The following NRXN3 variants were observed in gnomAD, a reference collection of about 807,000 sequenced individuals.
NRXN3 encodes neurexin III.
Under a neutral mutation model 137.6 loss-of-function variants are expected in NRXN3, and 32 were observed. The observed-to-expected ratio is 0.23, with a 90% CI of 0.18 to 0.31. The LOEUF is 0.31. Among genes scored for constraint, NRXN3 ranks in the 10% least tolerant of loss-of-function variants. The probability of loss-of-function intolerance (pLI) is 1.00; values close to 1 mark genes in which losing one functional copy is unlikely to be tolerated. For missense variants in NRXN3, 1,574 were observed against 2,062.5 expected (o/e 0.76, Z 4.59); for synonymous variants, 798 against 784.5 (o/e 1.02, Z -0.29).
intron 4 of NRXN3, among the ~76,000 whole-genome samples, chr14:78,303,709 G>T (rs550731155): frequency 3.3e-4 from 50 of 152,166 alleles, no homozygotes; most frequent in Non-Finnish European, 6.3e-4. Context: ...TTGGACTTTT[G>T]CTAAAGCTCT....
In NRXN3 at chr14:78,863,878, T is replaced by C. The variant is rs114373618; in HGVS notation, c.2275+53534T>C. Among the ~76,000 whole-genome samples the C allele has an allele frequency of 1.4e-3, 209 of 152,272 alleles. 4 individuals carry two copies. Among genetic ancestry groups the C allele is most frequent in the African/African-American group, 4.6e-3 (190 of 41,562 alleles). On this transcript the variant is annotated intron_variant, in intron 10 of 20. Transcript: ENST00000335750. Reference sequence around the variant, plus strand: ...TATAAATTCAATGAGTCAGAATGGTTTAATTGAAATTCTTCATTTAAAAAG... The same window carrying C: ...TATAAATTCAATGAGTCAGAATGGTCTAATTGAAATTCTTCATTTAAAAAG...
At chr14:78,620,376 T>C (rs952821915) in intron 4 of NRXN3, among the ~76,000 whole-genome samples, 1 of 152,244 alleles carries the variant, frequency 6.6e-6, no homozygotes. Context: ...AATAACCTGC[T>C]TGTACTGTTT....
intron 10 of NRXN3, among the ~76,000 whole-genome samples, chr14:78,812,117 A>G (rs773982818): frequency 6.6e-6 from 1 of 152,174 alleles, no homozygotes; most frequent in Non-Finnish European, 1.5e-5. Flanking sequence ...TCCAAATATC[A>G]CCACAATCAC....
At chr14:79,191,233 C>T (rs2064262567) in intron 15 of NRXN3, among the ~76,000 whole-genome samples, 1 of 152,186 alleles carries the variant, frequency 6.6e-6, no homozygotes, top group African/African-American at 2.4e-5. Context: ...TATAAGAACA[C>T]AGGCCAGACA....
intron 17 of NRXN3, among the ~76,000 whole-genome samples, chr14:79,676,483 A>C (rs948024887): frequency 6.6e-6 from 1 of 151,926 alleles, no homozygotes; most frequent in Admixed American, 6.6e-5. Flanking sequence ...TAAGGGATGA[A>C]TAAGTCTAGA....
chr14:79,375,541 T>C (rs2094247737), intron 15 of NRXN3, among the ~76,000 whole-genome samples: 1 of 152,100 alleles, frequency 6.6e-6, no homozygotes, highest in African/African-American at 2.4e-5. Flanking sequence ...CAGCGGGACG[T>C]GCACTTGATA....
chr14:78,273,157 C>G (rs17107229), intron 2 of NRXN3, among the ~76,000 whole-genome samples: 6,044 of 152,186 alleles, frequency 0.04, 348 homozygotes, highest in African/African-American at 0.13. Flanking sequence ...CACGTTCACC[C>G]TCTGATGGGC....
Position 79,764,732 on chromosome 14 carries a change from C to A in NRXN3, c.4015-40380C>A, listed in dbSNP as rs143958227. On this transcript the variant is annotated intron_variant, in intron 19 of 20. Coordinates refer to ENST00000335750, the MANE Select transcript of NRXN3 (RefSeq NM_001330195.2). ...GAAATCTGACTGGCAGGCTGATGGCCAGGCTGCTCTGGAGGAAAGTAATTA... is the reference window on the plus strand; with the variant it reads ...GAAATCTGACTGGCAGGCTGATGGCAAGGCTGCTCTGGAGGAAAGTAATTA... Among the ~76,000 whole-genome samples, 175 of 152,200 alleles carry A rather than the reference C, an allele frequency of 1.1e-3. 1 individual carries two copies. The highest frequency in any genetic ancestry group is 3.5e-3 in the African/African-American group (144 of 41,536).
chr14:79,304,206 G>T (rs913766508), intron 15 of NRXN3, among the ~76,000 whole-genome samples: 2 of 152,032 alleles, frequency 1.3e-5, no homozygotes, highest in Admixed American at 1.3e-4. Context: ...CCCATTAGGG[G>T]ACAGTTCATT....
At chr14:79,109,358 T>A (rs2053057753) in intron 15 of NRXN3, among the ~76,000 whole-genome samples, 1 of 152,200 alleles carries the variant, frequency 6.6e-6, no homozygotes, top group Admixed American at 6.5e-5. Context: ...CTATTTCTAA[T>A]GTTTTTATTT....
chr14:78,434,164 GGGTGCTCAAAGTAA>G (rs994480778), intron 4 of NRXN3, among the ~76,000 whole-genome samples: 1 of 152,126 alleles, frequency 6.6e-6, no homozygotes, highest in African/African-American at 2.4e-5. Context: ...ATGGTTGTAT[GGGTGCTCAAAGTAA>G]GGTGACTACT....
At chr14:79,761,133 A>G (rs550139847) in intron 19 of NRXN3, among the ~76,000 whole-genome samples, 1 of 151,618 alleles carries the variant, frequency 6.6e-6, no homozygotes, top group Admixed American at 6.6e-5. Flanking sequence ...AAAAGATTTA[A>G]TATATTTTTA....
chr14:78,455,522 C>T (rs548559667), intron 4 of NRXN3, among the ~76,000 whole-genome samples: 2 of 152,332 alleles, frequency 1.3e-5, no homozygotes, highest in South Asian at 4.1e-4. Flanking sequence ...ATTTAGTACT[C>T]TGCAGACTTC....
At chr14:79,742,803 G>T (rs867183640) in intron 19 of NRXN3, among the ~76,000 whole-genome samples, 1 of 152,132 alleles carries the variant, frequency 6.6e-6, no homozygotes, top group Admixed American at 6.6e-5. Context: ...TTAAACTAAC[G>T]TATGCTTTAT....
Position 78,569,358 on chromosome 14 carries a change from C to G in NRXN3, c.758-75762C>G, listed in dbSNP as rs535231067. Reference sequence around the variant, plus strand: ...TCGGCTCACTGCAAGCTCCGCCTCCCGGGTTCACGCCATTCTCCTGCCTCA... The same window carrying G: ...TCGGCTCACTGCAAGCTCCGCCTCCGGGGTTCACGCCATTCTCCTGCCTCA... On this transcript the variant is annotated intron_variant, in intron 4 of 20. Coordinates refer to ENST00000335750, the MANE Select transcript of NRXN3 (RefSeq NM_001330195.2). Among the ~76,000 whole-genome samples, 4 of 149,642 alleles carry G rather than the reference C, an allele frequency of 2.7e-5. No homozygotes were observed. In the East Asian group the frequency reaches 8.0e-4, roughly 30 times the overall value.
chr14:79,425,118 A>G (rs1215963518), intron 15 of NRXN3, among the ~76,000 whole-genome samples: 1 of 152,196 alleles, frequency 6.6e-6, no homozygotes, highest in Non-Finnish European at 1.5e-5. Flanking sequence ...TTCAAGTCCA[A>G]GTTGCTGGCC....
At position 79,710,138 on chromosome 14, in the gene NRXN3, G is replaced by A. The variant is rs185613079; in HGVS notation, c.4014+12201G>A. 2.2e-4 allele frequency among the ~76,000 whole-genome samples: 34 copies of A among 152,000 alleles called. No individual in the cohort carries two copies. In the East Asian group the frequency reaches 3.5e-3, roughly 16 times the overall value. ...AAAAATAATAGATGCCTCCATCTGC[G>A]GCTTCTGATTTTTTTCCCTAGGGAT... On this transcript the variant is annotated intron_variant, in intron 19 of 20. Transcript: ENST00000335750.
intron 20 of NRXN3, among the ~76,000 whole-genome samples, chr14:79,831,401 G>C (rs774894761): frequency 6.6e-6 from 1 of 152,162 alleles, no homozygotes; most frequent in Non-Finnish European, 1.5e-5. Context: ...ATGGGAACAC[G>C]CTTCCTCTGG....
intron 1 of NRXN3, among the ~76,000 whole-genome samples, chr14:78,239,498 C>G (rs919279255): frequency 6.6e-6 from 1 of 152,198 alleles, no homozygotes; most frequent in African/African-American, 2.4e-5. Flanking sequence ...AATTGTGTCA[C>G]GTTTCATGTC....
Sources: gnomAD v4.1 joint callset for allele counts (sites outside exome capture counted in the v4.1 genomes callset) on GRCh38, gnomAD v4.1.1 for gene constraint, MANE v1.5 for transcripts, NCBI Gene and HGNC (gene_info 2026-07-23, HGNC 2026-07-21) for gene names.